Variants in LCORL observed in about 807,000 individuals in gnomAD.
The protein encoded by LCORL is ligand-dependent nuclear receptor corepressor-like protein.
Under a neutral mutation model 141.8 loss-of-function variants are expected in LCORL, and 41 were observed. That is an observed-to-expected ratio of 0.29 (90% CI 0.23 to 0.38). The LOEUF (loss-of-function observed/expected upper bound fraction) is 0.38. Ranked by LOEUF, LCORL falls within the 10% of genes least tolerant of loss-of-function variation. The probability of loss-of-function intolerance (pLI) is 1.00; values close to 1 mark genes in which losing one functional copy is unlikely to be tolerated. For synonymous variants in LCORL, 618 were observed against 694.1 expected (o/e 0.89, Z 1.72); for missense variants, 1,759 against 2,035.0 (o/e 0.86, Z 2.61).
intron 4 of LCORL, among the ~76,000 whole-genome samples, chr4:17,917,252 T>C (rs1005590695): frequency 5.9e-5 from 9 of 152,054 alleles, no homozygotes; most frequent in African/African-American, 2.2e-4. Context: ...CAGGCTGGAG[T>C]GCAATGGCAC....
At chr4:17,851,021 C>T (rs1033179234) in intron 7 of LCORL, among the ~76,000 whole-genome samples, 4 of 147,092 alleles carry the variant, frequency 2.7e-5, no homozygotes, top group Admixed American at 6.8e-5. Flanking sequence ...AGTAAACTAT[C>T]GCAAGAACAA....
exon 7 of LCORL, chr4:17,876,499 A>C: frequency 3.2e-6 from 4 of 1,230,886 alleles, no homozygotes; most frequent in Non-Finnish European, 4.1e-6. Flanking sequence ...TGTAAATTAG[A>C]ATTCATTGCA....
intron 5 of LCORL, among the ~76,000 whole-genome samples, chr4:17,903,722 A>AT (rs1731207240): frequency 6.6e-6 from 1 of 152,034 alleles, no homozygotes; most frequent in Admixed American, 6.6e-5. Context: ...GAAAATAGGC[A>AT]TGTTTTCCTC....
intron 2 of LCORL, among the ~76,000 whole-genome samples, chr4:17,968,541 AG>A (rs1404804733): frequency 1.3e-5 from 2 of 152,236 alleles, no homozygotes; most frequent in Non-Finnish European, 2.9e-5. Context: ...GTTAACAGGT[AG>A]AAAACATGAT....
At chr4:17,993,333 G>C (rs933376353) in intron 1 of LCORL, among the ~76,000 whole-genome samples, 6 of 152,144 alleles carry the variant, frequency 3.9e-5, no homozygotes, top group Non-Finnish European at 7.4e-5. Context: ...CTTCCAAGCA[G>C]CTGGGATTAC....
intron 5 of LCORL, among the ~76,000 whole-genome samples, chr4:17,898,065 C>A (rs1008394909): frequency 2.0e-5 from 3 of 152,034 alleles, no homozygotes; most frequent in Admixed American, 2.0e-4. Flanking sequence ...TTTTCTCTTA[C>A]ACTGAAAATA....
chr4:17,994,873 T>A (rs917052053), intron 1 of LCORL, among the ~76,000 whole-genome samples: 1 of 152,084 alleles, frequency 6.6e-6, no homozygotes, highest in African/African-American at 2.4e-5. Context: ...GATCCTGTCA[T>A]CCTGCTGGCT....
exon 8 of LCORL, chr4:17,845,556 T>C (rs1722826497): frequency 7.4e-6 from 3 of 404,364 alleles, no homozygotes; most frequent in African/African-American, 3.5e-5. Flanking sequence ...ATGTAAAACA[T>C]GTAAAAAAAA....
intron 1 of LCORL, among the ~76,000 whole-genome samples, chr4:18,007,489 T>C (rs965296669): frequency 6.6e-6 from 1 of 152,196 alleles, no homozygotes; most frequent in African/African-American, 2.4e-5. Context: ...TTTAATACTG[T>C]ATATGCTTCT....
At chr4:17,932,285 T>C (rs904772175) in intron 4 of LCORL, among the ~76,000 whole-genome samples, 2 of 152,300 alleles carry the variant, frequency 1.3e-5, no homozygotes, top group Admixed American at 1.3e-4. Flanking sequence ...TATATTAGTG[T>C]CAGCTTACAG....
intron 1 of LCORL, among the ~76,000 whole-genome samples, chr4:18,020,180 T>C (rs1363151585): frequency 6.6e-6 from 1 of 152,236 alleles, no homozygotes; most frequent in African/African-American, 2.4e-5. Context: ...GAACTGAAAT[T>C]GTATTAAGTT....
chr4:17,863,240 T>C (rs1299232110), intron 7 of LCORL, among the ~76,000 whole-genome samples: 4 of 152,074 alleles, frequency 2.6e-5, no homozygotes, highest in African/African-American at 9.7e-5. Context: ...CACTTGAACA[T>C]GGGAGGTGGA....
chr4:17,936,684 A>G (rs1181012879), intron 4 of LCORL, among the ~76,000 whole-genome samples: 3 of 152,280 alleles, frequency 2.0e-5, no homozygotes, highest in Admixed American at 2.0e-4. Flanking sequence ...TTAATTCCTG[A>G]GTTTAGATAT....
exon 5 of LCORL, chr4:17,909,304 G>C (rs1387068007): frequency 2.5e-6 from 4 of 1,608,776 alleles, no homozygotes; most frequent in Non-Finnish European, 3.4e-6. Context: ...ATTAATTCCT[G>C]AGCAACTAGG....
At chr4:18,017,487 T>C (rs1724814508) in intron 1 of LCORL, among the ~76,000 whole-genome samples, 1 of 152,152 alleles carries the variant, frequency 6.6e-6, no homozygotes, top group East Asian at 1.9e-4. Flanking sequence ...ACCAACATCA[T>C]GAATCTCAAG....
chr4:17,841,659 T>G (rs551705435), exon 8 of LCORL: 8 of 152,074 alleles, frequency 5.3e-5, no homozygotes, highest in Middle Eastern at 3.4e-3. Flanking sequence ...CCAAACTTCA[T>G]ATATTCATAT....
intron 1 of LCORL, among the ~76,000 whole-genome samples, chr4:18,004,629 T>C (rs1373211372): frequency 6.6e-6 from 1 of 152,082 alleles, no homozygotes; most frequent in Admixed American, 6.5e-5. Flanking sequence ...ACCATATCAT[T>C]CCACCCTGGC....
At chr4:17,933,148 T>C (rs1736318576) in intron 4 of LCORL, among the ~76,000 whole-genome samples, 1 of 152,158 alleles carries the variant, frequency 6.6e-6, no homozygotes, top group Admixed American at 6.5e-5. Flanking sequence ...GTCTCAAAAT[T>C]TGTTATTCTG....
chr4:17,997,568 T>A (rs1402467609), intron 1 of LCORL, among the ~76,000 whole-genome samples: 1 of 152,190 alleles, frequency 6.6e-6, no homozygotes, highest in Non-Finnish European at 1.5e-5. Context: ...TGGCAAATGA[T>A]AATGCTTTAG....
Sources: allele counts gnomAD v4.1 joint callset (sites outside exome capture counted in the v4.1 genomes callset), GRCh38; gene constraint gnomAD v4.1.1; transcripts MANE v1.5; gene names NCBI Gene and HGNC (gene_info 2026-07-23, HGNC 2026-07-21).